CPEB1: variants seen among roughly 807,000 people sequenced by gnomAD.
CPEB1 encodes cytoplasmic polyadenylation element-binding protein 1.
CPEB1 carries 7 observed loss-of-function variants against 65.8 expected under a neutral mutation model. The observed-to-expected ratio is 0.11, with a 90% CI of 0.06 to 0.20. The LOEUF is 0.20. Among genes scored for constraint, CPEB1 ranks in the 10% least tolerant of loss-of-function variants. The pLI, the probability that CPEB1 is intolerant of heterozygous loss-of-function variation, is 1.00. For missense variants in CPEB1, 551 were observed against 712.2 expected (o/e 0.77, Z 2.58); for synonymous variants, 262 against 260.0 (o/e 1.01, Z -0.08).
intron 4 of CPEB1, chr15:82,562,228 T>C (rs1244015423): frequency 4.4e-6 from 2 of 455,716 alleles, no homozygotes; most frequent in African/African-American, 4.0e-5. Flanking sequence ...TTCCTTTGTC[T>C]GAATCCTGTA....
At chr15:82,630,586 A>ACAGAGCAAGACC (rs1230786765) in intron 1 of CPEB1, among the ~76,000 whole-genome samples, 92 of 152,212 alleles carry the variant, frequency 6.0e-4, no homozygotes, top group African/African-American at 2.1e-3. Context: ...AGCATGGGTG[A>ACAGAGCAAGACC]CAGAGCAAGA....
intron 12 of CPEB1, among the ~76,000 whole-genome samples, chr15:82,545,772 C>T (rs932299652): frequency 2.6e-5 from 4 of 152,116 alleles, no homozygotes; most frequent in Non-Finnish European, 5.9e-5. Flanking sequence ...TAAAGGAGGA[C>T]GAGGCATCCT....
intron 3 of CPEB1, among the ~76,000 whole-genome samples, chr15:82,607,480 C>T (rs937684667): frequency 1.3e-5 from 2 of 151,858 alleles, no homozygotes; most frequent in Non-Finnish European, 2.9e-5. Flanking sequence ...CTCAGCTACT[C>T]GGGAGGCTGA....
chr15:82,557,496 CA>C (rs1317074231), intron 5 of CPEB1: 1 of 421,060 alleles, frequency 2.4e-6, no homozygotes, highest in Admixed American at 4.1e-5. Context: ...AAGTGTTTTC[CA>C]GTACTCTTGG....
chr15:82,595,098 C>T (rs549857103), intron 3 of CPEB1, among the ~76,000 whole-genome samples: 10 of 152,280 alleles, frequency 6.6e-5, no homozygotes, highest in African/African-American at 2.2e-4. Context: ...CAGACTTGTT[C>T]AACACAGGAT....
intron 12 of CPEB1, among the ~76,000 whole-genome samples, chr15:82,545,380 G>T (rs2035000591): frequency 6.6e-6 from 1 of 152,136 alleles, no homozygotes; most frequent in African/African-American, 2.4e-5. Context: ...CTGATCAATG[G>T]CATCACTGCA....
intron 4 of CPEB1, among the ~76,000 whole-genome samples, chr15:82,565,471 A>G (rs555671778): frequency 3.9e-4 from 60 of 152,280 alleles, no homozygotes; most frequent in African/African-American, 1.3e-3. Context: ...CTAGCGTTAG[A>G]CTGTTCCCAT....
chr15:82,616,156 G>A (rs12901630), intron 3 of CPEB1, among the ~76,000 whole-genome samples: 2,232 of 151,904 alleles, frequency 0.015, 28 homozygotes, highest in East Asian at 0.024. Context: ...ATCAGGAGGC[G>A]GCATGAGGGG....
intron 3 of CPEB1, among the ~76,000 whole-genome samples, chr15:82,598,424 G>A (rs1012693973): frequency 7.9e-5 from 12 of 152,108 alleles, no homozygotes; most frequent in South Asian, 2.1e-4. Flanking sequence ...AACGTGGGAC[G>A]CAGAGGTTGC....
Position 82,592,742 on chromosome 15 carries a change from T to G in CPEB1, c.272-21210A>C, listed in dbSNP as rs188994697. On this transcript the variant is annotated intron_variant, in intron 3 of 12. Coordinates refer to ENST00000684509, the MANE Select transcript of CPEB1 (RefSeq NM_001365242.1). ...GGTTCACGCCTGTAATCCGAGCACT[T>G]TGGAAGGTGGCCAAAGTGCCGAGGT... 5.7e-4 allele frequency among the ~76,000 whole-genome samples: 86 copies of G among 152,200 alleles called. 1 individual carries two copies. In the East Asian group the frequency reaches 0.016, roughly 28 times the overall value.
chr15:82,607,835 CAA>C (rs1283536737), intron 3 of CPEB1, among the ~76,000 whole-genome samples: 1 of 152,064 alleles, frequency 6.6e-6, no homozygotes, highest in Non-Finnish European at 1.5e-5. Context: ...ATATATGCAA[CAA>C]AAACTGACAG....
chr15:82,647,719 G>T, upstream of CPEB1: 2 of 747,486 alleles, frequency 2.7e-6, no homozygotes, highest in Non-Finnish European at 3.6e-6. Context: ...GCGGGCACGT[G>T]ACCGCGCCCC....
At chr15:82,561,059 T>C (rs2038105964) in intron 4 of CPEB1, among the ~76,000 whole-genome samples, 1 of 152,194 alleles carries the variant, frequency 6.6e-6, no homozygotes, top group South Asian at 2.1e-4. Flanking sequence ...GTGATTTCAA[T>C]AGGCTGATAG....
chr15:82,600,061 G>T (rs561352943), intron 3 of CPEB1, among the ~76,000 whole-genome samples: 1 of 152,170 alleles, frequency 6.6e-6, no homozygotes, highest in African/African-American at 2.4e-5. Context: ...AGTAATGAAA[G>T]ATACCAGTCT....
At chr15:82,548,686 A>T (rs138042735) in intron 10 of CPEB1, 107 of 455,678 alleles carry the variant, frequency 2.3e-4, no homozygotes, top group African/African-American at 2.1e-3. Context: ...CTATTAAGAG[A>T]GCTGGAAGAA....
chr15:82,594,655 G>A (rs2678448), intron 3 of CPEB1, among the ~76,000 whole-genome samples: 107,400 of 152,152 alleles, frequency 0.71, 39,278 homozygotes, highest in African/African-American at 0.91. Context: ...TGCATTCACA[G>A]CTTGACTATT....
chr15:82,631,473 T>A (rs1203516501), intron 1 of CPEB1, among the ~76,000 whole-genome samples: 1 of 152,110 alleles, frequency 6.6e-6, no homozygotes, highest in Non-Finnish European at 1.5e-5. Context: ...GATCTACTAC[T>A]CTCCTTTGTG....
chr15:82,553,864 T>G lies in CPEB1; in HGVS notation c.1054+14A>C. ...ACCCTTCAACTCTTAAAGCAGGTCTTAGAGACAGCTCACCTTCTGTAATAT... is the reference window on the plus strand; with the variant it reads ...ACCCTTCAACTCTTAAAGCAGGTCTGAGAGACAGCTCACCTTCTGTAATAT... On this transcript the variant is annotated intron_variant, in intron 7 of 12. Coordinates refer to ENST00000684509, the MANE Select transcript of CPEB1 (RefSeq NM_001365242.1). The G allele has an allele frequency of 6.5e-7, 1 of 1,546,392 alleles. No homozygotes were observed. The highest frequency in any genetic ancestry group is 1.1e-5 in the South Asian group (1 of 89,342).
At position 82,627,316 on chromosome 15, in the gene CPEB1, C is replaced by G. The variant is rs1393930063; in HGVS notation, c.148G>C (p.Ala50Pro). 3.7e-6 allele frequency: 6 copies of G among 1,613,318 alleles called. No homozygotes were observed. The South Asian group carries it at 5.5e-5, about 15-fold the overall frequency. Residue 50 changes from alanine to proline, a missense_variant, in exon 3 of 13, where the codon GCT becomes CCT. Around this residue, in one of 6 missense-constraint regions of CPEB1, gnomAD observed 223 missense variants for 228.6 expected, o/e 0.98. Transcript: ENST00000684509. Reference sequence around the variant, plus strand: ...TTGGCATTACTACACGTGGAGAGAGCAGGTGCTTCCTGGTTGTCCCAGCAA... The same window carrying G: ...TTGGCATTACTACACGTGGAGAGAGGAGGTGCTTCCTGGTTGTCCCAGCAA... The part of the protein sequence containing the change: ...KDCWDNQEAP[A>P]LSTCSNANIF...
Sources: allele counts gnomAD v4.1 joint callset (sites outside exome capture counted in the v4.1 genomes callset), GRCh38; gene constraint gnomAD v4.1.1; regional missense constraint gnomAD v4.1.1; transcripts MANE v1.5; gene names NCBI Gene and HGNC (gene_info 2026-07-23, HGNC 2026-07-21).